NBAS: variants seen among roughly 807,000 people sequenced by gnomAD.
The protein encoded by NBAS is NAG/BC035112 fusion.
NBAS carries 219 observed loss-of-function variants against 302.5 expected under a neutral mutation model. That is an observed-to-expected ratio of 0.72 (90% confidence interval 0.65 to 0.81). The LOEUF is 0.81. Among genes scored for constraint, NBAS ranks in the 30% least tolerant of loss-of-function variants. The pLI, the probability that NBAS is intolerant of heterozygous loss-of-function variation, is 0.00. For missense variants in NBAS, 2,932 were observed against 2,841.6 expected (o/e 1.03, Z -0.72); for synonymous variants, 1,118 against 1,021.6 (o/e 1.09, Z -1.80).
chr2:15,473,243 A>T lies in NBAS; in HGVS notation c.1704T>A (p.Val568=). Residue 568 remains valine (V), a synonymous_variant, in exon 16 of 52, where the codon GTT becomes GTA. Coordinates refer to ENST00000281513, the MANE Select transcript of NBAS (RefSeq NM_015909.4). The part of the protein sequence containing the change: ...QRQWRKSAVN[V]ASIQNYLSKI... ...ATACCAAATAATTCTGAATTGAAGC[A>T]ACGTTGACCGCTGACTTCCTCCACT... 1 of 1,614,082 alleles carries T rather than the reference A, an allele frequency of 6.2e-7. No homozygotes were observed. Among genetic ancestry groups the T allele is most frequent in the African/African-American group, 1.3e-5 (1 of 75,056 alleles).
intron 40 of NBAS, among the ~76,000 whole-genome samples, chr2:15,305,449 GT>G (rs35136896): frequency 0.27 from 33,122 of 123,706 alleles, 4,106 homozygotes; most frequent in East Asian, 0.51. Flanking sequence ...GTCTCGAGCA[GT>G]TTTTTTTTTT....
chr2:15,389,687 A>C (rs1675492492), intron 28 of NBAS, among the ~76,000 whole-genome samples: 1 of 152,236 alleles, frequency 6.6e-6, no homozygotes, highest in Non-Finnish European at 1.5e-5. Context: ...GGCTAAAACA[A>C]GTAAAAATAT....
chr2:15,398,594 A>C (rs1013832442), intron 26 of NBAS, among the ~76,000 whole-genome samples: 1 of 130,560 alleles, frequency 7.7e-6, no homozygotes, highest in Non-Finnish European at 1.7e-5. Flanking sequence ...AAGATGCACA[A>C]AAATTTAATT....
chr2:15,275,930 A>G, intron 43 of NBAS, 112 bp from the exon 44 acceptor site: 3 of 915,224 alleles, frequency 3.3e-6, no homozygotes, highest in South Asian at 2.9e-5. Context: ...AGATCTATCA[A>G]CTTAGCTCTA....
chr2:15,079,443 G>A, the NBAS span, among the ~76,000 whole-genome samples: 2 of 152,072 alleles, frequency 1.3e-5, no homozygotes, highest in African/African-American at 2.4e-5. Context: ...TAAGAGCCAA[G>A]CAGAAGCCAC....
At chr2:15,278,307 G>A (rs1046566583) in intron 42 of NBAS, among the ~76,000 whole-genome samples, 1 of 152,236 alleles carries the variant, frequency 6.6e-6, no homozygotes, top group Non-Finnish European at 1.5e-5. Context: ...AAGACACAGT[G>A]CAAACATTTA....
At chr2:15,090,128 C>T in the NBAS span, among the ~76,000 whole-genome samples, 1 of 152,320 alleles carries the variant, frequency 6.6e-6, no homozygotes, top group African/African-American at 2.4e-5. Context: ...CAGCTCAGCA[C>T]GTCAAGTCCC....
intron 21 of NBAS, among the ~76,000 whole-genome samples, chr2:15,428,875 C>T (rs1677615298): frequency 6.7e-6 from 1 of 149,848 alleles, no homozygotes; most frequent in South Asian, 2.1e-4. Context: ...AACCCCGTTT[C>T]TACTAAAAAT....
At chr2:15,486,700 T>C (rs550705605) in intron 12 of NBAS, among the ~76,000 whole-genome samples, 1 of 152,340 alleles carries the variant, frequency 6.6e-6, no homozygotes, top group African/African-American at 2.4e-5. Flanking sequence ...AATATTTACA[T>C]TTATTCATTC....
chr2:15,172,564 T>A (rs558831453), intron 51 of NBAS, among the ~76,000 whole-genome samples: 1 of 152,252 alleles, frequency 6.6e-6, no homozygotes, highest in African/African-American at 2.4e-5. Flanking sequence ...GGAACTGATA[T>A]GTTATTTTTA....
the NBAS span, among the ~76,000 whole-genome samples, chr2:15,089,686 A>G: frequency 6.6e-6 from 1 of 151,826 alleles, no homozygotes; most frequent in Non-Finnish European, 1.5e-5. Context: ...AAGAAGCTGA[A>G]AATCAAATTT....
At chr2:15,315,575 C>T (rs1009385327) in intron 38 of NBAS, among the ~76,000 whole-genome samples, 1 of 152,232 alleles carries the variant, frequency 6.6e-6, no homozygotes, top group Non-Finnish European at 1.5e-5. Flanking sequence ...GTCTCCAGCA[C>T]TGCACTCAGC....
At chr2:15,483,094 G>T (rs7577512) in intron 12 of NBAS, among the ~76,000 whole-genome samples, 97,132 of 152,044 alleles carry the variant, frequency 0.64, 31,758 homozygotes, top group Middle Eastern at 0.68. Context: ...TTTGCTAATT[G>T]TTTTTACCAC....
chr2:15,316,389 C>T (rs1181118537), intron 38 of NBAS, among the ~76,000 whole-genome samples: 1 of 152,172 alleles, frequency 6.6e-6, no homozygotes, highest in Non-Finnish European at 1.5e-5. Flanking sequence ...GGGTGCAGCC[C>T]ACAGAGGGCG....
the NBAS span, among the ~76,000 whole-genome samples, chr2:14,966,467 G>A: frequency 3.3e-4 from 50 of 152,184 alleles, no homozygotes; most frequent in South Asian, 4.1e-4. Context: ...GATCAAGTCC[G>A]TCAGTCCCCC....
rs1302257672 is a variant in NBAS, at chr2:15,481,265, T to C, written c.1084-2976A>G. On this transcript the variant is annotated intron_variant, in intron 12 of 51. Coordinates refer to ENST00000281513, the MANE Select transcript of NBAS (RefSeq NM_015909.4). ...TGCATTGTTTCCACCTTTTAGCTGT[T>C]GTAAACACTGCTGCTATGAATATGT... Among the ~76,000 whole-genome samples, 6 of 152,334 alleles carry C rather than the reference T, an allele frequency of 3.9e-5. No individual in the cohort carries two copies. In the South Asian group the frequency reaches 8.3e-4, roughly 21 times the overall value.
rs773477835 is a variant in NBAS, at chr2:15,467,355, A to C, written c.2071T>G (p.Tyr691Asp). 1.2e-6 allele frequency: 2 copies of C among 1,613,404 alleles called. No individual in the cohort carries two copies. Among genetic ancestry groups the C allele is most frequent in the Non-Finnish European group, 1.7e-6 (2 of 1,179,486 alleles). The change falls in exon 19 of 52, where the codon TAC becomes GAC. Residue 691 changes from tyrosine (Y) to aspartate (D), a missense_variant. Coordinates refer to ENST00000281513, the MANE Select transcript of NBAS (RefSeq NM_015909.4). ...LCRCRRKLLTYLDRLATYEEI... is the reference protein window; with the variant it reads ...LCRCRRKLLTDLDRLATYEEI... ...TCATATGTTGCAAGTCGATCTAAGT[A>C]GGTTAATAACTTCCGTCTACAACGG...
the NBAS span, among the ~76,000 whole-genome samples, chr2:14,860,664 T>A: frequency 1.3e-5 from 2 of 152,160 alleles, no homozygotes; most frequent in Non-Finnish European, 2.9e-5. Context: ...AGATTGGCAG[T>A]TACCAGAGGC....
At chr2:15,065,123 A>T in the NBAS span, among the ~76,000 whole-genome samples, 1 of 152,190 alleles carries the variant, frequency 6.6e-6, no homozygotes, top group Non-Finnish European at 1.5e-5. Flanking sequence ...AGATATGTTA[A>T]TTAGTACAAA....
Sources: gnomAD v4.1 joint callset for allele counts (sites outside exome capture counted in the v4.1 genomes callset) on GRCh38, gnomAD v4.1.1 for gene constraint, MANE v1.5 for transcripts, NCBI Gene and HGNC (gene_info 2026-07-23, HGNC 2026-07-21) for gene names.